DNAJC1: variants seen among roughly 807,000 people sequenced by gnomAD.
The protein encoded by DNAJC1 is DnaJ heat shock protein family (Hsp40) member C1.
Under a neutral mutation model 76.6 loss-of-function variants are expected in DNAJC1, and 58 were observed. The ratio of observed to expected loss-of-function variants is 0.76; its 90% CI spans 0.61 to 0.94. DNAJC1 has a LOEUF of 0.94. DNAJC1 is among the 40% of genes least tolerant of loss of function. The probability of loss-of-function intolerance (pLI) is 0.00; values close to 1 mark genes in which losing one functional copy is unlikely to be tolerated. For missense variants in DNAJC1, 689 were observed against 677.3 expected (o/e 1.02, Z -0.19); for synonymous variants, 258 against 267.9 (o/e 0.96, Z 0.36).
chr10:21,786,637 G>A lies in DNAJC1; in HGVS notation c.1098+19343C>T, dbSNP rs901632967. Among the ~76,000 whole-genome samples the A allele has an allele frequency of 9.2e-4, 139 of 151,852 alleles. 3 individuals are homozygous for A. Among genetic ancestry groups the A allele is most frequent in the South Asian group, 2.1e-4 (1 of 4,808 alleles). ...CGTAGCAGGCGTGCGCCACCACACC[G>A]GCTAATTTTGGTATTTTTAGTAGAG... On this transcript the variant is annotated intron_variant, in intron 9 of 11. Transcript: ENST00000376980.
At chr10:21,943,767 T>C (rs570811628) in intron 1 of DNAJC1, among the ~76,000 whole-genome samples, 1 of 152,300 alleles carries the variant, frequency 6.6e-6, no homozygotes, top group South Asian at 2.1e-4. Context: ...CAGGATCTCT[T>C]AAACGCTTCA....
chr10:21,820,047 C>T (rs1203833731), intron 8 of DNAJC1, among the ~76,000 whole-genome samples: 2 of 152,212 alleles, frequency 1.3e-5, no homozygotes, highest in African/African-American at 4.8e-5. Flanking sequence ...GAAGCATTTT[C>T]ATCATTCTGA....
At chr10:21,833,548 T>C (rs988579418) in intron 8 of DNAJC1, among the ~76,000 whole-genome samples, 1 of 152,350 alleles carries the variant, frequency 6.6e-6, no homozygotes, top group Admixed American at 6.5e-5. Flanking sequence ...ATCACGGCTA[T>C]GTCATGTATT....
At chr10:21,929,493 G>A (rs1837186145) in intron 1 of DNAJC1, among the ~76,000 whole-genome samples, 1 of 152,154 alleles carries the variant, frequency 6.6e-6, no homozygotes. Context: ...ATACATCGGT[G>A]TGCCTTCAAA....
intron 7 of DNAJC1, among the ~76,000 whole-genome samples, chr10:21,886,773 C>A (rs1424086840): frequency 1.3e-5 from 2 of 151,974 alleles, no homozygotes; most frequent in African/African-American, 2.4e-5. Flanking sequence ...AAATTCAACA[C>A]CCCTTTATGT....
chr10:21,836,674 A>G (rs1332183752), intron 8 of DNAJC1, among the ~76,000 whole-genome samples: 1 of 152,178 alleles, frequency 6.6e-6, no homozygotes, highest in Non-Finnish European at 1.5e-5. Context: ...CAGGGGTTGC[A>G]ATCCTAGTCT....
intron 8 of DNAJC1, among the ~76,000 whole-genome samples, chr10:21,840,423 T>C (rs1835556463): frequency 6.6e-6 from 1 of 152,134 alleles, no homozygotes; most frequent in Admixed American, 6.5e-5. Flanking sequence ...ACAAAATCAA[T>C]GTACAAAAAT....
chr10:21,923,287 A>G (rs945911699), intron 3 of DNAJC1, among the ~76,000 whole-genome samples: 7 of 151,958 alleles, frequency 4.6e-5, no homozygotes, highest in Admixed American at 3.3e-4. Flanking sequence ...CTTCCATTAT[A>G]GTTCATTTTT....
intron 1 of DNAJC1, 142 bp from the exon 2 acceptor site, chr10:21,929,283 C>T: frequency 1.7e-6 from 1 of 595,736 alleles, no homozygotes; most frequent in Non-Finnish European, 2.9e-6. Flanking sequence ...GTCTTAACAA[C>T]CAGGCTATGC....
intron 1 of DNAJC1, among the ~76,000 whole-genome samples, chr10:21,991,902 C>A (rs1838331370): frequency 6.6e-6 from 1 of 152,116 alleles, no homozygotes; most frequent in South Asian, 2.1e-4. Flanking sequence ...CAATACAGAT[C>A]AAGTATTTTC....
intron 1 of DNAJC1, among the ~76,000 whole-genome samples, chr10:21,961,724 G>A (rs945689945): frequency 6.6e-6 from 1 of 152,024 alleles, no homozygotes; most frequent in Admixed American, 6.6e-5. Context: ...TGGGTAAAAT[G>A]GTAAATTTTT....
chr10:21,867,923 A>T (rs1257946430), intron 8 of DNAJC1, among the ~76,000 whole-genome samples: 1 of 151,352 alleles, frequency 6.6e-6, no homozygotes, highest in Non-Finnish European at 1.5e-5. Context: ...AATACAAAAA[A>T]TTAGCTGGGC....
At chr10:21,863,171 T>C (rs1178819105) in intron 8 of DNAJC1, among the ~76,000 whole-genome samples, 1 of 151,412 alleles carries the variant, frequency 6.6e-6, no homozygotes, top group Non-Finnish European at 1.5e-5. Context: ...CCAGACTAAG[T>C]AGAAGACAGG....
intron 1 of DNAJC1, among the ~76,000 whole-genome samples, chr10:21,976,634 T>C (rs1838067853): frequency 6.6e-6 from 1 of 152,206 alleles, no homozygotes; most frequent in Non-Finnish European, 1.5e-5. Flanking sequence ...CATACTGTAT[T>C]TCTTAACCCA....
intron 8 of DNAJC1, among the ~76,000 whole-genome samples, chr10:21,815,344 C>T (rs149179502): frequency 3.2e-3 from 493 of 152,318 alleles, no homozygotes; most frequent in African/African-American, 0.011. Flanking sequence ...GATCAAACTG[C>T]AATAGATGTC....
At chr10:21,845,011 T>C (rs1835633102) in intron 8 of DNAJC1, among the ~76,000 whole-genome samples, 1 of 152,242 alleles carries the variant, frequency 6.6e-6, no homozygotes, top group Non-Finnish European at 1.5e-5. Flanking sequence ...CACTCCAGCC[T>C]GGGTGACAGA....
At chr10:21,783,213 C>T (rs1201766088) in intron 9 of DNAJC1, among the ~76,000 whole-genome samples, 1 of 152,138 alleles carries the variant, frequency 6.6e-6, no homozygotes, top group South Asian at 2.1e-4. Flanking sequence ...TCTCAGGATA[C>T]AAAATCAATG....
intron 1 of DNAJC1, among the ~76,000 whole-genome samples, chr10:21,950,424 G>A (rs899124226): frequency 6.6e-6 from 1 of 151,878 alleles, no homozygotes; most frequent in African/African-American, 2.4e-5. Flanking sequence ...CTGATCCGAC[G>A]ACCAGCTGTA....
intron 8 of DNAJC1, among the ~76,000 whole-genome samples, chr10:21,872,470 C>T (rs562142989): frequency 1.3e-5 from 2 of 152,148 alleles, no homozygotes; most frequent in East Asian, 3.9e-4. Flanking sequence ...AGAATATCAA[C>T]AGATTAAGTT....
Sources: gnomAD v4.1 joint callset for allele counts (sites outside exome capture counted in the v4.1 genomes callset) on GRCh38, gnomAD v4.1.1 for gene constraint, MANE v1.5 for transcripts, NCBI Gene and HGNC (gene_info 2026-07-23, HGNC 2026-07-21) for gene names.